Variants in PCDHA11 observed in about 807,000 individuals in gnomAD.
PCDHA11 encodes protocadherin alpha 11.
Under a neutral mutation model 70.3 loss-of-function variants are expected in PCDHA11, and 61 were observed. The ratio of observed to expected loss-of-function variants is 0.87; its 90% CI spans 0.71 to 1.07. The LOEUF is 1.07. Ranked by LOEUF, PCDHA11 falls within the 50% of genes least tolerant of loss-of-function variation. The pLI, the probability that PCDHA11 is intolerant of heterozygous loss-of-function variation, is 0.00. For missense variants in PCDHA11, 1,324 were observed against 1,237.5 expected (o/e 1.07, Z -1.05); for synonymous variants, 633 against 555.1 (o/e 1.14, Z -1.97).
intron 1 of PCDHA11, chr5:140,881,408 T>A (rs1397596000): frequency 1.1e-6 from 1 of 949,826 alleles, no homozygotes; most frequent in Non-Finnish European, 1.3e-6. Flanking sequence ...ATTAAATCAA[T>A]AGGATATTAG....
At chr5:140,898,507 C>T (rs538521734) in intron 1 of PCDHA11, among the ~76,000 whole-genome samples, 23 of 152,140 alleles carry the variant, frequency 1.5e-4, no homozygotes, top group African/African-American at 5.1e-4. Context: ...TGTAGATATG[C>T]GGCGTTATTT....
intron 1 of PCDHA11, among the ~76,000 whole-genome samples, chr5:140,891,310 G>A (rs1361380938): frequency 6.6e-6 from 1 of 152,030 alleles, no homozygotes; most frequent in Non-Finnish European, 1.5e-5. Flanking sequence ...GATTACATGA[G>A]TAAGTTCTTT....
intron 1 of PCDHA11, chr5:140,969,591 T>C: frequency 2.4e-6 from 2 of 829,486 alleles, no homozygotes; most frequent in South Asian, 2.0e-5. Context: ...TTAGTCTTAA[T>C]ATTTAATGCT....
intron 1 of PCDHA11, among the ~76,000 whole-genome samples, chr5:140,944,240 T>C (rs374307364): frequency 2.1e-4 from 32 of 152,316 alleles, no homozygotes; most frequent in African/African-American, 7.5e-4. Flanking sequence ...CAGGCTGGAG[T>C]GCAGTGATGT....
chr5:140,967,980 A>G (rs1554230169), intron 1 of PCDHA11: 1 of 1,614,198 alleles, frequency 6.2e-7, no homozygotes, highest in African/African-American at 1.3e-5. Context: ...CTGGGTCTGG[A>G]GGCCACACTG....
At chr5:140,938,133 A>G (rs2091933876) in intron 1 of PCDHA11, among the ~76,000 whole-genome samples, 1 of 152,268 alleles carries the variant, frequency 6.6e-6, no homozygotes, top group South Asian at 2.1e-4. Context: ...AAAAATAGAG[A>G]TAGAGTCTCA....
chr5:140,883,508 G>A (rs939760233), intron 1 of PCDHA11: 1 of 1,614,202 alleles, frequency 6.2e-7, no homozygotes, highest in East Asian at 2.2e-5. Flanking sequence ...CAGCGCCCTG[G>A]ACCGCGAGAG....
chr5:140,914,944 CTTTTT>C (rs35695909), intron 1 of PCDHA11, among the ~76,000 whole-genome samples: 1 of 128,266 alleles, frequency 7.8e-6, no homozygotes, highest in Non-Finnish European at 1.7e-5. Context: ...GAAAAGTTGT[CTTTTT>C]TTTTTTTTTT....
At chr5:140,971,527 A>G (rs116818549) in intron 1 of PCDHA11, among the ~76,000 whole-genome samples, 2,035 of 152,284 alleles carry the variant, frequency 0.013, 20 homozygotes, top group Middle Eastern at 0.054. Context: ...CAGTTCTGAA[A>G]GTCATCATTG....
intron 1 of PCDHA11, among the ~76,000 whole-genome samples, chr5:140,913,794 T>A: frequency 6.6e-6 from 1 of 152,194 alleles, no homozygotes. Context: ...ATCATTTGTT[T>A]GAATCAAATT....
At chr5:140,978,711 C>G (rs1306070484) in intron 1 of PCDHA11, among the ~76,000 whole-genome samples, 2 of 152,238 alleles carry the variant, frequency 1.3e-5, no homozygotes, top group Non-Finnish European at 2.9e-5. Flanking sequence ...GTGGCCTTTA[C>G]AAGATTATTA....
intron 3 of PCDHA11, among the ~76,000 whole-genome samples, chr5:141,004,253 C>G (rs1460798910): frequency 6.6e-6 from 1 of 152,200 alleles, no homozygotes; most frequent in Non-Finnish European, 1.5e-5. Flanking sequence ...TTTTGTTTTA[C>G]TGGAATGAGT....
intron 1 of PCDHA11, among the ~76,000 whole-genome samples, chr5:140,923,387 G>T (rs564592920): frequency 6.6e-6 from 1 of 152,254 alleles, no homozygotes; most frequent in Admixed American, 6.5e-5. Context: ...AATTAGTTGG[G>T]CATGGTGGTG....
chr5:140,873,739 C>A (rs571863406), intron 1 of PCDHA11, among the ~76,000 whole-genome samples: 1 of 152,294 alleles, frequency 6.6e-6, no homozygotes, highest in African/African-American at 2.4e-5. Flanking sequence ...CAGCTCACTG[C>A]AATCTCCACC....
intron 1 of PCDHA11, among the ~76,000 whole-genome samples, chr5:140,959,860 A>G (rs1554224378): frequency 6.6e-6 from 1 of 152,230 alleles, no homozygotes; most frequent in East Asian, 1.9e-4. Context: ...GGAATTATGT[A>G]GCAAAATCTG....
In PCDHA11 at chr5:140,875,548, G is replaced by A. The variant is rs782463775; in HGVS notation, c.2391+4054G>A. On this transcript the variant is annotated intron_variant, in intron 1 of 3. Coordinates refer to ENST00000398640, the MANE Select transcript of PCDHA11 (RefSeq NM_018902.5). ...GCTTCTGCTCCTTGCAGCCTGGGAG[G>A]TGGGGAGCGGCCAGCTCCACTACTC... 24 of 1,614,054 alleles carry A rather than the reference G, an allele frequency of 1.5e-5. 1 individual carries two copies. The Admixed American group carries it at 3.5e-4, about 24-fold the overall frequency.
At chr5:140,893,261 C>T (rs2063902016) in intron 1 of PCDHA11, among the ~76,000 whole-genome samples, 1 of 152,104 alleles carries the variant, frequency 6.6e-6, no homozygotes, top group Non-Finnish European at 1.5e-5. Context: ...TGGATAAATG[C>T]CCAATAGTGG....
At chr5:140,965,037 C>T (rs1260839947) in intron 1 of PCDHA11, among the ~76,000 whole-genome samples, 1 of 152,142 alleles carries the variant, frequency 6.6e-6, no homozygotes, top group African/African-American at 2.4e-5. Context: ...TAACTGTCCG[C>T]TCTAGGAGGG....
chr5:140,926,652 C>T, intron 1 of PCDHA11: 1 of 499,312 alleles, frequency 2.0e-6, no homozygotes, highest in East Asian at 3.6e-5. Flanking sequence ...CGGCCGGCTC[C>T]GCTTTCCCAG....
Sources: gnomAD v4.1 joint callset for allele counts (sites outside exome capture counted in the v4.1 genomes callset) on GRCh38, gnomAD v4.1.1 for gene constraint, MANE v1.5 for transcripts, NCBI Gene and HGNC (gene_info 2026-07-23, HGNC 2026-07-21) for gene names.